Variants in EFNA5 observed in about 807,000 individuals in gnomAD.
The protein encoded by EFNA5 is ephrin-A5.
In EFNA5, 5 loss-of-function variants were observed where a neutral mutation model predicts 22.9. The ratio of observed to expected loss-of-function variants is 0.22; its 90% CI spans 0.11 to 0.46. EFNA5 has a LOEUF of 0.46. Among genes scored for constraint, EFNA5 ranks in the 20% least tolerant of loss-of-function variants. The pLI is 0.99. For missense variants in EFNA5, 237 were observed against 293.3 expected (o/e 0.81, Z 1.40); for synonymous variants, 113 against 112.2 (o/e 1.01, Z -0.04).
intron 1 of EFNA5, among the ~76,000 whole-genome samples, chr5:107,641,286 A>G (rs1750504240): frequency 6.6e-6 from 1 of 151,784 alleles, no homozygotes; most frequent in South Asian, 2.1e-4. Flanking sequence ...TGAACCCAGG[A>G]GGCAAAGGTT....
intron 1 of EFNA5, among the ~76,000 whole-genome samples, chr5:107,606,648 G>A (rs1749731686): frequency 2.0e-5 from 3 of 151,654 alleles, no homozygotes; most frequent in African/African-American, 7.3e-5. Flanking sequence ...GACTTTGGAA[G>A]GTTACATAAT....
chr5:107,586,166 T>C (rs1053615683), intron 1 of EFNA5, among the ~76,000 whole-genome samples: 1 of 152,204 alleles, frequency 6.6e-6, no homozygotes, highest in Non-Finnish European at 1.5e-5. Context: ...TTATTTTTGT[T>C]GTATTCAATC....
At chr5:107,407,109 T>C (rs942100014) in intron 2 of EFNA5, among the ~76,000 whole-genome samples, 1 of 152,218 alleles carries the variant, frequency 6.6e-6, no homozygotes, top group African/African-American at 2.4e-5. Flanking sequence ...AAAAAACTTA[T>C]ACTAATAACT....
At chr5:107,390,523 G>A (rs1203562870) in intron 2 of EFNA5, among the ~76,000 whole-genome samples, 1 of 152,060 alleles carries the variant, frequency 6.6e-6, no homozygotes, top group Non-Finnish European at 1.5e-5. Context: ...CAATTTATGA[G>A]CAATAGATAG....
chr5:107,432,461 C>T (rs1340996759), intron 1 of EFNA5, among the ~76,000 whole-genome samples: 1 of 152,130 alleles, frequency 6.6e-6, no homozygotes, highest in Non-Finnish European at 1.5e-5. Flanking sequence ...TAATTCCATC[C>T]ATTGTATCAG....
At chr5:107,502,355 C>T (rs1747154856) in intron 1 of EFNA5, among the ~76,000 whole-genome samples, 1 of 152,162 alleles carries the variant, frequency 6.6e-6, no homozygotes, top group African/African-American at 2.4e-5. Context: ...AGAAAGATCC[C>T]TCATCATGCC....
At chr5:107,562,011 C>T (rs1052747629) in intron 1 of EFNA5, among the ~76,000 whole-genome samples, 2 of 152,170 alleles carry the variant, frequency 1.3e-5, no homozygotes, top group Non-Finnish European at 2.9e-5. Context: ...CGCACCCTGC[C>T]ACCCTTGGCA....
chr5:107,665,638 T>C lies in EFNA5; in HGVS notation c.125+4851A>G, dbSNP rs1297091659. Among the ~76,000 whole-genome samples, 3 of 152,214 alleles carry C rather than the reference T, an allele frequency of 2.0e-5. No homozygotes were observed. The East Asian group carries it at 5.8e-4, about 29-fold the overall frequency. ...ACTGTATAGCCAAATCTGCCTCAAA[T>C]AGCTCTAATGTTCCTATCATCTAAA... On this transcript the variant is annotated intron_variant, in intron 1 of 4. Transcript: ENST00000333274.
chr5:107,452,951 T>C (rs1749599127), intron 1 of EFNA5, among the ~76,000 whole-genome samples: 1 of 152,156 alleles, frequency 6.6e-6, no homozygotes, highest in African/African-American at 2.4e-5. Context: ...AAAGCTTGCC[T>C]GGCCTGATTT....
At chr5:107,382,779 C>T (rs1747505722) in intron 4 of EFNA5, among the ~76,000 whole-genome samples, 1 of 152,156 alleles carries the variant, frequency 6.6e-6, no homozygotes, top group Non-Finnish European at 1.5e-5. Context: ...AGGTGTTCAG[C>T]AGTTGCCATC....
At chr5:107,574,248 A>T (rs913961757) in intron 1 of EFNA5, among the ~76,000 whole-genome samples, 1 of 152,222 alleles carries the variant, frequency 6.6e-6, no homozygotes, top group African/African-American at 2.4e-5. Context: ...TTCAAACATC[A>T]CTAAATGGTG....
intron 1 of EFNA5, among the ~76,000 whole-genome samples, chr5:107,624,329 C>A (rs1274620552): frequency 6.6e-6 from 1 of 152,094 alleles, no homozygotes; most frequent in Admixed American, 6.6e-5. Flanking sequence ...GAACATTATA[C>A]AACATTCATG....
At chr5:107,514,042 A>G (rs1747429143) in intron 1 of EFNA5, among the ~76,000 whole-genome samples, 1 of 152,202 alleles carries the variant, frequency 6.6e-6, no homozygotes, top group Admixed American at 6.5e-5. Context: ...TGCTTTAACA[A>G]AAACAACAAA....
At chr5:107,594,972 T>C (rs1452296228) in intron 1 of EFNA5, among the ~76,000 whole-genome samples, 1 of 152,148 alleles carries the variant, frequency 6.6e-6, no homozygotes, top group African/African-American at 2.4e-5. Context: ...CTGTATCTCA[T>C]ATCAGATAGT....
At chr5:107,486,041 C>T (rs1746610827) in intron 1 of EFNA5, among the ~76,000 whole-genome samples, 1 of 152,186 alleles carries the variant, frequency 6.6e-6, no homozygotes, top group South Asian at 2.1e-4. Flanking sequence ...GTGCAATTTT[C>T]ACTAGGCTGA....
intron 1 of EFNA5, among the ~76,000 whole-genome samples, chr5:107,546,932 G>A (rs1202488556): frequency 3.3e-5 from 5 of 152,122 alleles, no homozygotes; most frequent in African/African-American, 1.2e-4. Flanking sequence ...CCAAGTTGGT[G>A]ATGAATTGAT....
chr5:107,557,969 T>C (rs186216438), intron 1 of EFNA5, among the ~76,000 whole-genome samples: 3 of 152,226 alleles, frequency 2.0e-5, no homozygotes, highest in Admixed American at 1.3e-4. Context: ...AATCATATGA[T>C]AGTATCTACC....
At chr5:107,584,452 C>T (rs1749134081) in intron 1 of EFNA5, among the ~76,000 whole-genome samples, 1 of 152,160 alleles carries the variant, frequency 6.6e-6, no homozygotes, top group African/African-American at 2.4e-5. Flanking sequence ...TGCAGCATTT[C>T]CCCTGAGATT....
intron 1 of EFNA5, among the ~76,000 whole-genome samples, chr5:107,620,064 C>A (rs1345392809): frequency 6.6e-6 from 1 of 152,224 alleles, no homozygotes; most frequent in East Asian, 1.9e-4. Flanking sequence ...ATAGGAGATA[C>A]AGAGTGCCTT....
Sources: gnomAD v4.1 joint callset for allele counts (sites outside exome capture counted in the v4.1 genomes callset) on GRCh38, gnomAD v4.1.1 for gene constraint, MANE v1.5 for transcripts, NCBI Gene and HGNC (gene_info 2026-07-23, HGNC 2026-07-21) for gene names.